Variants in SUGCT observed in about 807,000 individuals in gnomAD.
SUGCT encodes the protein succinyl-CoA:glutarate CoA-transferase.
In SUGCT, 41 loss-of-function variants were observed where a neutral mutation model predicts 55.0. That is an observed-to-expected ratio of 0.74 (90% confidence interval 0.58 to 0.97). SUGCT has a LOEUF of 0.97. SUGCT is among the 50% of genes least tolerant of loss of function. The pLI is 0.00. For missense variants in SUGCT, 568 were observed against 547.8 expected (o/e 1.04, Z -0.37); for synonymous variants, 187 against 200.4 (o/e 0.93, Z 0.56).
At chr7:40,901,598 A>G in the SUGCT span, among the ~76,000 whole-genome samples, 1 of 152,146 alleles carries the variant, frequency 6.6e-6, no homozygotes, top group Non-Finnish European at 1.5e-5. Context: ...GCGATTTCCA[A>G]CAGAGGATCA....
chr7:40,900,134 T>G, the SUGCT span, among the ~76,000 whole-genome samples: 1 of 152,234 alleles, frequency 6.6e-6, no homozygotes, highest in South Asian at 2.1e-4. Flanking sequence ...GCTTTCCAGA[T>G]TTGGAAACTT....
At chr7:40,589,741 C>A (rs1307730746) in intron 12 of SUGCT, among the ~76,000 whole-genome samples, 1 of 152,120 alleles carries the variant, frequency 6.6e-6, no homozygotes, top group Non-Finnish European at 1.5e-5. Flanking sequence ...TTAATATCTC[C>A]ATAAATATAT....
chr7:40,482,694 C>G (rs1346653628), intron 11 of SUGCT, among the ~76,000 whole-genome samples: 1 of 152,128 alleles, frequency 6.6e-6, no homozygotes, highest in Non-Finnish European at 1.5e-5. Context: ...CAATTCTGGT[C>G]AGGCCAAACC....
intron 10 of SUGCT, among the ~76,000 whole-genome samples, chr7:40,456,630 G>T (rs1449957480): frequency 6.6e-6 from 1 of 152,078 alleles, no homozygotes; most frequent in Non-Finnish European, 1.5e-5. Flanking sequence ...TGTTGAGTGG[G>T]GTGGGGTGGC....
At chr7:40,442,166 A>G (rs752401757) in intron 9 of SUGCT, among the ~76,000 whole-genome samples, 21 of 152,194 alleles carry the variant, frequency 1.4e-4, no homozygotes, top group African/African-American at 9.6e-5. Flanking sequence ...TTATCATTTC[A>G]TTAAGCCATA....
At chr7:41,016,121 G>A in the SUGCT span, among the ~76,000 whole-genome samples, 1 of 152,124 alleles carries the variant, frequency 6.6e-6, no homozygotes, top group African/African-American at 2.4e-5. Context: ...TGGGAAAGGT[G>A]GTTTGCTATC....
intron 9 of SUGCT, among the ~76,000 whole-genome samples, chr7:40,386,629 C>G (rs926036209): frequency 2.0e-5 from 3 of 152,116 alleles, no homozygotes; most frequent in African/African-American, 7.2e-5. Flanking sequence ...TGAGAAAAAG[C>G]CTTTTCTACC....
At chr7:40,835,202 C>T (rs1182783693) in intron 13 of SUGCT, among the ~76,000 whole-genome samples, 2 of 152,214 alleles carry the variant, frequency 1.3e-5, no homozygotes, top group African/African-American at 2.4e-5. Flanking sequence ...CAGGACAATG[C>T]AGTTCAAGAC....
chr7:40,914,273 T>TTTTTTTTTTA, the SUGCT span, among the ~76,000 whole-genome samples: 1 of 137,094 alleles, frequency 7.3e-6, no homozygotes, highest in African/African-American at 3.1e-5. Context: ...TATTTTTTTC[T>TTTTTTTTTTA]TTTTCTTTTT....
At chr7:40,582,811 C>T (rs1797174115) in intron 12 of SUGCT, among the ~76,000 whole-genome samples, 1 of 152,098 alleles carries the variant, frequency 6.6e-6, no homozygotes, top group South Asian at 2.1e-4. Context: ...CGTCACAGAG[C>T]ACATAGTCAG....
At chr7:40,342,269 C>G (rs772754199) in intron 9 of SUGCT, among the ~76,000 whole-genome samples, 1 of 152,030 alleles carries the variant, frequency 6.6e-6, no homozygotes, top group Non-Finnish European at 1.5e-5. Flanking sequence ...AATACAGGGA[C>G]GAAAGGGGAC....
At chr7:40,513,998 G>A (rs1293849570) in intron 12 of SUGCT, among the ~76,000 whole-genome samples, 1 of 151,902 alleles carries the variant, frequency 6.6e-6, no homozygotes, top group Non-Finnish European at 1.5e-5. Context: ...CACTGTGTTA[G>A]CCAGGATGGT....
At chr7:40,866,640 A>T in the SUGCT span, among the ~76,000 whole-genome samples, 3 of 151,956 alleles carry the variant, frequency 2.0e-5, no homozygotes, top group South Asian at 6.3e-4. Flanking sequence ...CAGAAACACG[A>T]CAGAGCCGAA....
intron 8 of SUGCT, among the ~76,000 whole-genome samples, chr7:40,310,275 A>T (rs991568873): frequency 1.3e-5 from 2 of 152,198 alleles, no homozygotes; most frequent in Non-Finnish European, 2.9e-5. Context: ...ACATCACAAA[A>T]ATCCCAGTCG....
At chr7:40,162,704 T>A (rs900418511) in intron 1 of SUGCT, among the ~76,000 whole-genome samples, 1 of 152,190 alleles carries the variant, frequency 6.6e-6, no homozygotes, top group African/African-American at 2.4e-5. Context: ...TGCTGGTTGG[T>A]CTCAAACTCC....
chr7:40,924,642 C>T, the SUGCT span, among the ~76,000 whole-genome samples: 1 of 152,140 alleles, frequency 6.6e-6, no homozygotes, highest in East Asian at 1.9e-4. Context: ...ATCCAAGGAC[C>T]TCAGCTCTCT....
chr7:40,945,190 C>G, the SUGCT span, among the ~76,000 whole-genome samples: 49,303 of 151,762 alleles, frequency 0.32, 8,833 homozygotes, highest in Admixed American at 0.44. Flanking sequence ...CTGGGAGAGT[C>G]CTCAGTGAAA....
At chr7:40,415,061 A>AATCTATCTATCTATCTGTCT (rs1786903095) in intron 9 of SUGCT, among the ~76,000 whole-genome samples, 2 of 63,586 alleles carry the variant, frequency 3.1e-5, no homozygotes, top group African/African-American at 7.0e-5. Flanking sequence ...AAAAAAAAAA[A>AATCTATCTATCTATCTGTCT]ATCTATCTAT....
intron 6 of SUGCT, among the ~76,000 whole-genome samples, chr7:40,213,343 A>G (rs1007831384): frequency 3.9e-5 from 6 of 152,050 alleles, no homozygotes; most frequent in African/African-American, 1.4e-4. Context: ...CTTGTCAGAT[A>G]TTTTGTAGAT....
Sources: gnomAD v4.1 joint callset for allele counts (sites outside exome capture counted in the v4.1 genomes callset) on GRCh38, gnomAD v4.1.1 for gene constraint, MANE v1.5 for transcripts, NCBI Gene and HGNC (gene_info 2026-07-23, HGNC 2026-07-21) for gene names.